LRMDA: variants seen among roughly 807,000 people sequenced by gnomAD.
LRMDA encodes the protein leucine rich melanocyte differentiation associated.
Under a neutral mutation model 29.8 loss-of-function variants are expected in LRMDA, and 18 were observed. The ratio of observed to expected loss-of-function variants is 0.60; its 90% CI spans 0.42 to 0.90. The LOEUF is 0.90. LRMDA is among the 40% of genes least tolerant of loss of function. The pLI is 0.00. For synonymous variants in LRMDA, 125 were observed against 109.4 expected, an observed-to-expected ratio of 1.14 and a Z score of -0.89; for missense variants, 273 against 273.9, an observed-to-expected ratio of 1.00 and a Z score of 0.02.
chr10:76,087,000 G>A (rs1054645918), intron 5 of LRMDA, among the ~76,000 whole-genome samples: 9 of 152,310 alleles, frequency 5.9e-5, no homozygotes, highest in Admixed American at 2.6e-4. Context: ...TGGCTTGTCC[G>A]ACAGAAATAA....
intron 2 of LRMDA, among the ~76,000 whole-genome samples, chr10:75,710,574 G>A (rs1352283956): frequency 2.7e-5 from 4 of 150,494 alleles, no homozygotes; most frequent in Admixed American, 6.6e-5. Context: ...ATAGGAGCAC[G>A]GCAGAGGAGA....
chr10:76,121,486 A>G (rs1849788016), intron 5 of LRMDA, among the ~76,000 whole-genome samples: 1 of 152,228 alleles, frequency 6.6e-6, no homozygotes, highest in African/African-American at 2.4e-5. Flanking sequence ...GATGCAGATC[A>G]GATGGGGACA....
rs183331779 is a variant in LRMDA at position 75,958,175 on chromosome 10, G to C, written c.132-77833G>C. 5.3e-5 allele frequency among the ~76,000 whole-genome samples: 8 copies of C among 152,220 alleles called. No individual in the cohort carries two copies. The East Asian group carries it at 1.5e-3, about 29-fold the overall frequency. On this transcript the variant is annotated intron_variant, in intron 2 of 6. Transcript: ENST00000611255. ...GATGGGAGGAGGAGGGTGGCTGAGG[G>C]GTGGCCAGCAGCCCCAAGGGCTGCT...
At chr10:76,176,568 C>A (rs184710780) in intron 5 of LRMDA, among the ~76,000 whole-genome samples, 7 of 152,204 alleles carry the variant, frequency 4.6e-5, no homozygotes, top group African/African-American at 1.4e-4. Context: ...TTGAGGCGGG[C>A]GGATCACCTG....
chr10:75,692,302 T>G (rs1842175226), intron 2 of LRMDA, among the ~76,000 whole-genome samples: 1 of 146,040 alleles, frequency 6.8e-6, no homozygotes. Flanking sequence ...TATACACACA[T>G]ATATACATAC....
At chr10:76,392,175 A>G (rs974978654) in intron 6 of LRMDA, among the ~76,000 whole-genome samples, 1 of 152,124 alleles carries the variant, frequency 6.6e-6, no homozygotes, top group African/African-American at 2.4e-5. Context: ...TAATATATTC[A>G]GTTTATGTAG....
chr10:76,357,444 C>A (rs943305462), intron 6 of LRMDA, among the ~76,000 whole-genome samples: 6 of 152,138 alleles, frequency 3.9e-5, no homozygotes, highest in African/African-American at 1.4e-4. Context: ...CAGAGGGGTA[C>A]CTTTTTCATA....
At chr10:75,665,237 A>G (rs997740564) in intron 2 of LRMDA, among the ~76,000 whole-genome samples, 1 of 152,298 alleles carries the variant, frequency 6.6e-6, no homozygotes, top group South Asian at 2.1e-4. Flanking sequence ...TAGAATTTGA[A>G]GTGACTTTTC....
chr10:75,619,547 AT>A (rs1451508622), intron 2 of LRMDA, among the ~76,000 whole-genome samples: 1 of 152,134 alleles, frequency 6.6e-6, no homozygotes. Flanking sequence ...CAAAGGTTCT[AT>A]TTTTGGGCTG....
intron 6 of LRMDA, among the ~76,000 whole-genome samples, chr10:76,363,148 AGAAAGAAAGAAAGAAAGAAAGAAAGAAAG>A (rs1841334189): frequency 1.6e-4 from 6 of 37,160 alleles, no homozygotes; most frequent in African/African-American, 7.4e-4. Context: ...AAAGAAAGAA[AGAAAGAAAGAAAGAAAGAAAGAAAGAAAG>A]GAGGGAGGGA....
intron 6 of LRMDA, among the ~76,000 whole-genome samples, chr10:76,384,440 T>C (rs954084864): frequency 6.6e-6 from 1 of 152,240 alleles, no homozygotes; most frequent in African/African-American, 2.4e-5. Flanking sequence ...CCGAATGTTA[T>C]ATCCAGACCT....
intron 4 of LRMDA, 25 bp from the exon 5 acceptor site, chr10:76,058,641 G>A: frequency 6.3e-7 from 1 of 1,587,462 alleles, no homozygotes; most frequent in Non-Finnish European, 8.7e-7. Flanking sequence ...AACTTCCTGA[G>A]TTGTCTCTGA....
intron 2 of LRMDA, among the ~76,000 whole-genome samples, chr10:75,517,201 A>T (rs1245320760): frequency 6.6e-6 from 1 of 152,100 alleles, no homozygotes; most frequent in Non-Finnish European, 1.5e-5. Context: ...TTGGTTCCAT[A>T]TGAACTTTAA....
chr10:75,695,174 T>G (rs958409400), intron 2 of LRMDA, among the ~76,000 whole-genome samples: 2 of 152,068 alleles, frequency 1.3e-5, no homozygotes, highest in Non-Finnish European at 2.9e-5. Context: ...TTTTTTTAAA[T>G]TTTTCCTTAA....
intron 2 of LRMDA, among the ~76,000 whole-genome samples, chr10:75,971,588 C>T (rs540941800): frequency 6.6e-6 from 1 of 152,330 alleles, no homozygotes; most frequent in Admixed American, 6.5e-5. Context: ...TTGTGGTTCT[C>T]CTGGAGCATT....
At chr10:76,442,228 G>C (rs766760579) in intron 6 of LRMDA, among the ~76,000 whole-genome samples, 2 of 152,270 alleles carry the variant, frequency 1.3e-5, no homozygotes, top group African/African-American at 2.4e-5. Flanking sequence ...AAGCAAAAAT[G>C]TTTAGTAGAA....
intron 2 of LRMDA, among the ~76,000 whole-genome samples, chr10:75,808,398 T>A (rs1396200476): frequency 6.6e-6 from 1 of 152,232 alleles, no homozygotes; most frequent in African/African-American, 2.4e-5. Flanking sequence ...GTGAGGCACA[T>A]CTTAACATAT....
chr10:75,957,515 C>A (rs1490036900), intron 2 of LRMDA, among the ~76,000 whole-genome samples: 2 of 152,170 alleles, frequency 1.3e-5, no homozygotes, highest in African/African-American at 4.8e-5. Flanking sequence ...ATTGTGAAAT[C>A]TTTTCATTGT....
chr10:75,532,681 C>G, intron 2 of LRMDA, among the ~76,000 whole-genome samples: 1 of 152,094 alleles, frequency 6.6e-6, no homozygotes, highest in East Asian at 1.9e-4. Context: ...GGTTGAGACA[C>G]ACTGAGTTCT....
Sources: gnomAD v4.1 joint callset for allele counts (sites outside exome capture counted in the v4.1 genomes callset) on GRCh38, gnomAD v4.1.1 for gene constraint, MANE v1.5 for transcripts, NCBI Gene and HGNC (gene_info 2026-07-23, HGNC 2026-07-21) for gene names.